Variants in MTAP observed in about 807,000 individuals in gnomAD.
The protein encoded by MTAP is methylthioadenosine phosphorylase.
A neutral mutation model predicts 33.6 loss-of-function variants in MTAP; 33 were observed. The ratio of observed to expected loss-of-function variants is 0.98; its 90% CI spans 0.74 to 1.31. The LOEUF (loss-of-function observed/expected upper bound fraction) is 1.31. Among genes scored for constraint, MTAP ranks in the 40% most tolerant of loss-of-function variants. The pLI is 0.00. For missense variants in MTAP, 367 were observed against 360.0 expected, an observed-to-expected ratio of 1.02 and a Z score of -0.16; for synonymous variants, 148 against 125.7, an observed-to-expected ratio of 1.18 and a Z score of -1.19.
intron 3 of MTAP, 139 bp from the exon 4 acceptor site, chr9:21,817,896 A>G (rs1380205570): frequency 2.7e-6 from 2 of 748,762 alleles, no homozygotes; most frequent in East Asian, 6.3e-5. Context: ...TTAGTTGCTC[A>G]CTGGACTGGG....
chr9:21,929,605 T>G (rs1818923362), intron 1 of MTAP: 1 of 337,762 alleles, frequency 3.0e-6, no homozygotes, highest in African/African-American at 2.0e-5. Context: ...TAGCTCTTCC[T>G]CTAAAACACC....
intron 4 of MTAP, among the ~76,000 whole-genome samples, chr9:21,834,044 C>T (rs1563839535): frequency 6.6e-6 from 1 of 152,064 alleles, no homozygotes; most frequent in Non-Finnish European, 1.5e-5. Context: ...CATATCCCTG[C>T]TTGACAACCT....
chr9:21,890,263 C>A (rs1197737952), intron 1 of MTAP, among the ~76,000 whole-genome samples: 4 of 152,120 alleles, frequency 2.6e-5, no homozygotes, highest in Non-Finnish European at 4.4e-5. Context: ...TCCCACGCAG[C>A]CAGCAAGGCC....
Position 21,864,433 on chromosome 9 carries a change from G to A in MTAP, c.*2419G>A, listed in dbSNP as rs1375272294. 20 of 985,156 alleles carry A rather than the reference G, an allele frequency of 2.0e-5. No homozygotes were observed. Among genetic ancestry groups the A allele is most frequent in the South Asian group, 9.4e-5 (2 of 21,286 alleles). 61.0% of individuals were successfully genotyped at this position (985,156 alleles called of 1,614,324 possible). On this transcript the variant is annotated 3_prime_UTR_variant, in exon 8 of 8. Coordinates refer to ENST00000644715, the MANE Select transcript of MTAP (RefSeq NM_002451.4). ...ATTTTGGTTTCCGCAAAGGATGGAT[G>A]GTGAGCATCATGGGAAAGCTGTAGT... is the stretch of plus-strand genomic sequence containing the variant.
intron 1 of MTAP, chr9:21,803,115 G>A (rs1332936917): frequency 4.0e-6 from 2 of 496,030 alleles, no homozygotes; most frequent in Non-Finnish European, 6.6e-6. Flanking sequence ...GATGGGAGAG[G>A]CTGCACCCAT....
chr9:21,826,566 T>C (rs1824808241), intron 4 of MTAP, among the ~76,000 whole-genome samples: 1 of 151,446 alleles, frequency 6.6e-6, no homozygotes, highest in Non-Finnish European at 1.5e-5. Context: ...CAGTTGTCCC[T>C]TCATAATGCG....
intron 7 of MTAP, chr9:21,861,749 A>G (rs1825757464): frequency 3.5e-6 from 2 of 572,934 alleles, no homozygotes; most frequent in Non-Finnish European, 6.2e-6. Flanking sequence ...GATAAGCATT[A>G]TTAACCTCAC....
Position 21,864,321 on chromosome 9 carries a change from G to A in MTAP, c.*2307G>A. The A allele has an allele frequency of 1.3e-5, 13 of 984,920 alleles. No individual in the cohort carries two copies. The highest frequency in any genetic ancestry group is 1.6e-5 in the Non-Finnish European group (13 of 829,834). The allele number at this position is 984,920 out of a possible 1,614,324, so 61.0% of individuals were successfully genotyped here. A position where few individuals can be genotyped will look rare whatever the true frequency, so the allele number is the denominator to read the frequency against. On this transcript the variant is annotated 3_prime_UTR_variant, in exon 8 of 8. Coordinates refer to ENST00000644715, the MANE Select transcript of MTAP (RefSeq NM_002451.4). ...GGATATTGTTGAAGAACACTTCCTG[G>A]AACACTTCTCACTTGTGATGCTGTA... is the stretch of plus-strand genomic sequence containing the variant.
rs12004387 is a variant in MTAP at position 21,815,939 on chromosome 9, G to T, written c.120+420G>T. Among the ~76,000 whole-genome samples the T allele has an allele frequency of 4.5e-3, 688 of 152,284 alleles. 6 individuals are homozygous for T. Among genetic ancestry groups the T allele is most frequent in the African/African-American group, 0.015 (603 of 41,550 alleles). Reference sequence around the variant, plus strand: ...TTACGAAGCGGCATTTGAGTGGAAAGAATTGTTTTGGGGAATTAGAACATA... The same window carrying T: ...TTACGAAGCGGCATTTGAGTGGAAATAATTGTTTTGGGGAATTAGAACATA... On this transcript the variant is annotated intron_variant, in intron 2 of 7. Coordinates refer to ENST00000644715, the MANE Select transcript of MTAP (RefSeq NM_002451.4).
chr9:21,813,165 G>T (rs1019749804), intron 1 of MTAP, among the ~76,000 whole-genome samples: 1 of 152,254 alleles, frequency 6.6e-6, no homozygotes, highest in Non-Finnish European at 1.5e-5. Context: ...GAGCCAGCAG[G>T]TGGCGACATT....
chr9:21,885,033 C>T (rs1201026445), intron 1 of MTAP, among the ~76,000 whole-genome samples: 1 of 151,948 alleles, frequency 6.6e-6, no homozygotes, highest in Non-Finnish European at 1.5e-5. Flanking sequence ...TTTCAGGGTA[C>T]CGGAACTATC....
intron 1 of MTAP, among the ~76,000 whole-genome samples, chr9:21,925,262 G>A (rs1017236536): frequency 6.6e-6 from 1 of 152,176 alleles, no homozygotes; most frequent in Non-Finnish European, 1.5e-5. Flanking sequence ...AGAGGCCCTG[G>A]TGAAACACAC....
intron 1 of MTAP, among the ~76,000 whole-genome samples, chr9:21,808,404 G>C (rs1007768221): frequency 1.4e-5 from 2 of 144,974 alleles, no homozygotes; most frequent in Admixed American, 1.4e-4. Flanking sequence ...GGGCAGCATG[G>C]TGAAACCTCA....
At chr9:21,914,086 A>G (rs1464345664) in intron 1 of MTAP, among the ~76,000 whole-genome samples, 2 of 152,230 alleles carry the variant, frequency 1.3e-5, no homozygotes, top group African/African-American at 2.4e-5. Flanking sequence ...ATGAGATACC[A>G]TCTCACACCA....
exon 2 of MTAP, chr9:21,931,113 A>G: frequency 1.3e-6 from 1 of 762,928 alleles, no homozygotes; most frequent in Non-Finnish European, 2.4e-6. Flanking sequence ...GGGACATGGC[A>G]GAGGTGAAAT....
chr9:21,802,816 C>G, intron 1 of MTAP, 35 bp downstream of exon 1: 1 of 1,611,632 alleles, frequency 6.2e-7, no homozygotes, highest in East Asian at 2.2e-5. Flanking sequence ...GCGGTTCGCC[C>G]TGCCGGATGC....
At chr9:21,871,993 T>G (rs1825944602), downstream of MTAP, among the ~76,000 whole-genome samples, 1 of 152,280 alleles carries the variant, frequency 6.6e-6, no homozygotes, top group African/African-American at 2.4e-5. Flanking sequence ...AGTGAAAATT[T>G]TTGTGTGTTT....
downstream of MTAP, among the ~76,000 whole-genome samples, chr9:21,940,565 G>A (rs1819121171): frequency 6.6e-6 from 1 of 152,120 alleles, no homozygotes; most frequent in Non-Finnish European, 1.5e-5. Flanking sequence ...CTTCTACCGA[G>A]CTGACTACAA....
At chr9:21,887,762 C>T (rs931527707) in intron 1 of MTAP, among the ~76,000 whole-genome samples, 1 of 152,222 alleles carries the variant, frequency 6.6e-6, no homozygotes, top group Admixed American at 6.5e-5. Context: ...TCCACATCCT[C>T]TCCAACACCT....
Sources: gnomAD v4.1 joint callset for allele counts (sites outside exome capture counted in the v4.1 genomes callset) on GRCh38, gnomAD v4.1.1 for gene constraint, MANE v1.5 for transcripts, NCBI Gene and HGNC (gene_info 2026-07-23, HGNC 2026-07-21) for gene names.